LHFPL3: variants seen among roughly 807,000 people sequenced by gnomAD.
LHFPL3 encodes the protein LHFPL tetraspan subfamily member 3 protein.
Under a neutral mutation model 19.3 loss-of-function variants are expected in LHFPL3, and 5 were observed. The observed-to-expected ratio is 0.26, with a 90% CI of 0.14 to 0.54. The LOEUF (loss-of-function observed/expected upper bound fraction) is 0.54. LHFPL3 is among the 20% of genes least tolerant of loss of function. The pLI, the probability that LHFPL3 is intolerant of heterozygous loss-of-function variation, is 0.94. For synonymous variants in LHFPL3, 133 were observed against 126.2 expected, an observed-to-expected ratio of 1.05 and a Z score of -0.36; for missense variants, 249 against 307.4, an observed-to-expected ratio of 0.81 and a Z score of 1.42.
intron 2 of LHFPL3, among the ~76,000 whole-genome samples, chr7:104,744,403 C>T (rs561007366): frequency 1.1e-4 from 16 of 152,290 alleles, no homozygotes; most frequent in African/African-American, 3.1e-4. Context: ...TCATAGTGAA[C>T]TGCCTGTTTC....
intron 1 of LHFPL3, among the ~76,000 whole-genome samples, chr7:104,661,724 C>T (rs991467641): frequency 1.3e-5 from 2 of 152,164 alleles, no homozygotes; most frequent in African/African-American, 4.8e-5. Flanking sequence ...CTTCTTCCTT[C>T]TTCGCAATTT....
At chr7:104,457,627 C>T (rs1792573694) in intron 1 of LHFPL3, among the ~76,000 whole-genome samples, 2 of 148,694 alleles carry the variant, frequency 1.3e-5, no homozygotes, top group Non-Finnish European at 3.0e-5. Context: ...TGGGTATATA[C>T]CCAGTAATGG....
chr7:104,837,033 G>T (rs1347409293), intron 2 of LHFPL3, among the ~76,000 whole-genome samples: 4 of 152,224 alleles, frequency 2.6e-5, no homozygotes, highest in Non-Finnish European at 5.9e-5. Flanking sequence ...AATATTCAGT[G>T]TGTGCACAAT....
chr7:104,512,889 G>A (rs543836968), intron 1 of LHFPL3, among the ~76,000 whole-genome samples: 5 of 152,248 alleles, frequency 3.3e-5, no homozygotes, highest in South Asian at 2.1e-4. Context: ...TTAAATTGGC[G>A]ATGAGGCAGC....
intron 1 of LHFPL3, among the ~76,000 whole-genome samples, chr7:104,689,147 G>T (rs1792861171): frequency 6.6e-6 from 1 of 152,130 alleles, no homozygotes; most frequent in South Asian, 2.1e-4. Flanking sequence ...TTCTGTGATT[G>T]CTCTTCTCTG....
Position 104,359,804 on chromosome 7 carries a change from A to T in LHFPL3, c.445+30580A>T, listed in dbSNP as rs1179148693. 3.9e-5 allele frequency among the ~76,000 whole-genome samples: 6 copies of T among 152,274 alleles called. No individual in the cohort carries two copies. The South Asian group carries it at 6.2e-4, about 16-fold the overall frequency. ...CAGTGTTCTAATTGCCATTGCTGGCATGCTCCAGTCGGGCTGGCCTAGCTC... is the reference window on the plus strand; with the variant it reads ...CAGTGTTCTAATTGCCATTGCTGGCTTGCTCCAGTCGGGCTGGCCTAGCTC... On this transcript the variant is annotated intron_variant, in intron 1 of 2. Coordinates refer to ENST00000424859, the MANE Select transcript of LHFPL3 (RefSeq NM_199000.3).
In LHFPL3 at chr7:104,452,639, T is replaced by G. The variant is rs535198367; in HGVS notation, c.445+123415T>G. Among the ~76,000 whole-genome samples the G allele has an allele frequency of 7.1e-4, 108 of 152,334 alleles. No individual in the cohort carries two copies. The Middle Eastern group carries it at 0.014, about 19-fold the overall frequency. On this transcript the variant is annotated intron_variant, in intron 1 of 2. Transcript: ENST00000424859. ...ATGTTAATTAAGCATTATATCTTTTTAATTGATTTTATTGATATTTCTTTC... is the reference window on the plus strand; with the variant it reads ...ATGTTAATTAAGCATTATATCTTTTGAATTGATTTTATTGATATTTCTTTC...
intron 1 of LHFPL3, among the ~76,000 whole-genome samples, chr7:104,336,014 T>G (rs1789801231): frequency 6.6e-6 from 1 of 152,132 alleles, no homozygotes; most frequent in Non-Finnish European, 1.5e-5. Context: ...CTAGGAGAAT[T>G]CTACTTTGAG....
chr7:104,508,620 AT>A lies in LHFPL3; in HGVS notation c.445+179397del, dbSNP rs1346402581. On this transcript the variant is annotated intron_variant, in intron 1 of 2. Coordinates refer to ENST00000424859, the MANE Select transcript of LHFPL3 (RefSeq NM_199000.3). ...AACTTAAAGTATAATAAAAAAAAAT[AT>A]ATATATATACACATTAGGAAAATTT... is the stretch of plus-strand genomic sequence containing the variant. Among the ~76,000 whole-genome samples, 143 of 51,382 alleles carry A rather than the reference AT, an allele frequency of 2.8e-3. 1 individual carries two copies. The highest frequency in any genetic ancestry group is 0.013 in the Admixed American group (72 of 5,508). 33.7% of individuals were successfully genotyped at this position (51,382 alleles called of 152,430 possible).
intron 1 of LHFPL3, among the ~76,000 whole-genome samples, chr7:104,467,530 CA>C (rs1371523963): frequency 2.0e-5 from 3 of 152,206 alleles, no homozygotes; most frequent in Non-Finnish European, 4.4e-5. Context: ...GTTTAAGAAA[CA>C]AGTGGCAAAT....
intron 1 of LHFPL3, among the ~76,000 whole-genome samples, chr7:104,591,234 T>C (rs1329039479): frequency 6.6e-6 from 1 of 152,206 alleles, no homozygotes; most frequent in Non-Finnish European, 1.5e-5. Context: ...TTTGGCATGT[T>C]TTTGCAGTGG....
chr7:104,735,128 A>G (rs1272620022), intron 1 of LHFPL3, among the ~76,000 whole-genome samples: 1 of 152,174 alleles, frequency 6.6e-6, no homozygotes, highest in Non-Finnish European at 1.5e-5. Flanking sequence ...GTCTGCCCCT[A>G]CTAGGGGTGC....
chr7:104,859,990 C>T (rs896930621), intron 2 of LHFPL3, among the ~76,000 whole-genome samples: 3 of 152,052 alleles, frequency 2.0e-5, no homozygotes, highest in African/African-American at 7.2e-5. Context: ...TGCTGCAAAC[C>T]TAAAACTACT....
chr7:104,703,807 C>T (rs931911940), intron 1 of LHFPL3, among the ~76,000 whole-genome samples: 1 of 151,810 alleles, frequency 6.6e-6, no homozygotes, highest in African/African-American at 2.4e-5. Flanking sequence ...TCTTTCTTCT[C>T]CTTAATTTTC....
chr7:104,541,809 T>A (rs892176111), intron 1 of LHFPL3, among the ~76,000 whole-genome samples: 1 of 152,052 alleles, frequency 6.6e-6, no homozygotes, highest in Non-Finnish European at 1.5e-5. Context: ...CGGATGGTAT[T>A]TGAAACCCTA....
At chr7:104,564,112 C>T (rs1313854198) in intron 1 of LHFPL3, among the ~76,000 whole-genome samples, 2 of 152,096 alleles carry the variant, frequency 1.3e-5, no homozygotes, top group African/African-American at 4.8e-5. Context: ...AAAGAGAAAA[C>T]TCAAGAATAG....
At chr7:104,679,804 A>G (rs764490378) in intron 1 of LHFPL3, among the ~76,000 whole-genome samples, 1 of 152,200 alleles carries the variant, frequency 6.6e-6, no homozygotes, top group African/African-American at 2.4e-5. Flanking sequence ...TACAAGGCTC[A>G]TTGTAAAATA....
At chr7:104,427,472 G>A (rs1303259348) in intron 1 of LHFPL3, among the ~76,000 whole-genome samples, 1 of 152,182 alleles carries the variant, frequency 6.6e-6, no homozygotes, top group Non-Finnish European at 1.5e-5. Context: ...AATGGATGGT[G>A]CTAGTGTCAG....
At chr7:104,657,394 G>T (rs1792140385) in intron 1 of LHFPL3, among the ~76,000 whole-genome samples, 1 of 152,222 alleles carries the variant, frequency 6.6e-6, no homozygotes, top group Non-Finnish European at 1.5e-5. Context: ...GTCCAAGTTT[G>T]ATTCTTCAGG....
Sources: gnomAD v4.1 joint callset for allele counts (sites outside exome capture counted in the v4.1 genomes callset) on GRCh38, gnomAD v4.1.1 for gene constraint, MANE v1.5 for transcripts, NCBI Gene and HGNC (gene_info 2026-07-23, HGNC 2026-07-21) for gene names.